CNKSR3: variants seen among roughly 807,000 people sequenced by gnomAD.
CNKSR3 encodes the protein connector enhancer of kinase suppressor of ras 3.
Under a neutral mutation model 67.7 loss-of-function variants are expected in CNKSR3, and 36 were observed. The observed-to-expected ratio is 0.53, with a 90% CI of 0.41 to 0.70. CNKSR3 has a LOEUF of 0.70. Ranked by LOEUF, CNKSR3 falls within the 30% of genes least tolerant of loss-of-function variation. CNKSR3 has a pLI of 0.00. For missense variants in CNKSR3, 630 were observed against 695.2 expected (o/e 0.91, Z 1.05); for synonymous variants, 281 against 271.4 (o/e 1.04, Z -0.35).
At chr6:154,454,102 C>CAGAGAGAGAGAGAGAGAG (rs1357528671) in intron 1 of CNKSR3, among the ~76,000 whole-genome samples, 2 of 115,224 alleles carry the variant, frequency 1.7e-5, no homozygotes. Context: ...CACACACACA[C>CAGAGAGAGAGAGAGAGAG]ACAGAGAGAG....
intron 2 of CNKSR3, among the ~76,000 whole-genome samples, chr6:154,443,337 G>A (rs969264009): frequency 6.6e-6 from 1 of 152,066 alleles, no homozygotes; most frequent in Non-Finnish European, 1.5e-5. Context: ...GTGGGGTGGG[G>A]GTCCCTGTGT....
chr6:154,419,095 G>A (rs752349947), intron 9 of CNKSR3, among the ~76,000 whole-genome samples: 6 of 148,034 alleles, frequency 4.1e-5, no homozygotes, highest in South Asian at 2.1e-4. Flanking sequence ...GGGTGGATGC[G>A]GTGGTACAAT....
chr6:154,476,011 A>G (rs1440388642), intron 1 of CNKSR3, among the ~76,000 whole-genome samples: 2 of 152,216 alleles, frequency 1.3e-5, no homozygotes, highest in Admixed American at 1.3e-4. Flanking sequence ...TGATGCCAGC[A>G]GAAGTAATAA....
chr6:154,509,109 A>C (rs1158161159), intron 1 of CNKSR3, among the ~76,000 whole-genome samples: 1 of 152,088 alleles, frequency 6.6e-6, no homozygotes, highest in Admixed American at 6.5e-5. Context: ...AACAAATAGT[A>C]ACTTGAAACA....
At chr6:154,421,379 A>G (rs914979076) in intron 9 of CNKSR3, among the ~76,000 whole-genome samples, 2 of 152,220 alleles carry the variant, frequency 1.3e-5, no homozygotes, top group Non-Finnish European at 2.9e-5. Flanking sequence ...CTTGTCTCAC[A>G]AAGTTTCAAA....
In CNKSR3 at chr6:154,481,383, T is replaced by C. The variant is rs549275512; in HGVS notation, c.52+28680A>G. 7.3e-5 allele frequency among the ~76,000 whole-genome samples: 11 copies of C among 151,066 alleles called. No individual in the cohort carries two copies. In the East Asian group the frequency reaches 2.0e-3, roughly 27 times the overall value. On this transcript the variant is annotated intron_variant, in intron 1 of 12. Coordinates refer to ENST00000607772, the MANE Select transcript of CNKSR3 (RefSeq NM_173515.4). Reference sequence around the variant, plus strand: ...TTGATATTTATTTATTTTGCTTATGTATTTGCTTATTTATTTGTGCTTGTT... The same window carrying C: ...TTGATATTTATTTATTTTGCTTATGCATTTGCTTATTTATTTGTGCTTGTT...
At chr6:154,407,493 T>C (rs1175383786) in intron 12 of CNKSR3, among the ~76,000 whole-genome samples, 2 of 152,114 alleles carry the variant, frequency 1.3e-5, no homozygotes, top group Non-Finnish European at 2.9e-5. Flanking sequence ...TACTGAAACA[T>C]TTATTTTTAT....
intron 1 of CNKSR3, among the ~76,000 whole-genome samples, chr6:154,480,139 G>A (rs753839773): frequency 3.9e-5 from 6 of 152,200 alleles, no homozygotes; most frequent in Non-Finnish European, 5.9e-5. Flanking sequence ...TGCTGGGGCC[G>A]TCTCATTTCA....
intron 1 of CNKSR3, among the ~76,000 whole-genome samples, chr6:154,501,978 T>C (rs1787006988): frequency 6.6e-6 from 1 of 152,170 alleles, no homozygotes; most frequent in Non-Finnish European, 1.5e-5. Flanking sequence ...AAATTATTAA[T>C]AAGCACATGA....
intron 1 of CNKSR3, among the ~76,000 whole-genome samples, chr6:154,464,905 G>A (rs1786161553): frequency 6.6e-6 from 1 of 151,710 alleles, no homozygotes; most frequent in Non-Finnish European, 1.5e-5. Context: ...ACTTTGGGAA[G>A]CCAAGGTGGG....
intron 1 of CNKSR3, among the ~76,000 whole-genome samples, chr6:154,459,562 T>G (rs1055512807): frequency 6.6e-6 from 1 of 152,216 alleles, no homozygotes; most frequent in African/African-American, 2.4e-5. Context: ...ACAGCTTCAA[T>G]TTCTTACAAA....
chr6:154,452,596 G>A (rs1456486221), intron 1 of CNKSR3, among the ~76,000 whole-genome samples: 1 of 152,256 alleles, frequency 6.6e-6, no homozygotes, highest in East Asian at 1.9e-4. Context: ...CATCATACAA[G>A]TTTAGGACAA....
intron 1 of CNKSR3, among the ~76,000 whole-genome samples, chr6:154,501,018 AAGAC>A (rs1224762413): frequency 6.6e-6 from 1 of 152,230 alleles, no homozygotes. Flanking sequence ...ACAAGGCAGA[AAGAC>A]AGAGGGCGCT....
At chr6:154,434,996 C>CTTTT (rs367990649) in intron 4 of CNKSR3, among the ~76,000 whole-genome samples, 3 of 136,696 alleles carry the variant, frequency 2.2e-5, no homozygotes, top group Non-Finnish European at 3.1e-5. Context: ...CTACAAATTC[C>CTTTT]TTTTTTTTTT....
intron 7 of CNKSR3, among the ~76,000 whole-genome samples, chr6:154,423,668 C>T (rs1034554857): frequency 2.6e-5 from 4 of 152,180 alleles, no homozygotes; most frequent in African/African-American, 9.7e-5. Flanking sequence ...AACTGTTCAA[C>T]GTGGAAAATC....
rs1584039133 is a variant in CNKSR3, at chr6:154,395,318, A to C, written c.*11036T>G. On this transcript the variant is annotated 3_prime_UTR_variant, in exon 13 of 13. Coordinates refer to ENST00000607772, the MANE Select transcript of CNKSR3 (RefSeq NM_173515.4). Reference sequence around the variant, plus strand: ...ACTCCAAAGAATTGGGAAAATGATCATACAGAGCCCTGGTAACAGTCATCA... The same window carrying C: ...ACTCCAAAGAATTGGGAAAATGATCCTACAGAGCCCTGGTAACAGTCATCA... 2 of 152,366 alleles carry C rather than the reference A, an allele frequency of 1.3e-5. No homozygotes were observed. Among genetic ancestry groups the C allele is most frequent in the Admixed American group, 1.3e-4 (2 of 15,308 alleles). The allele number at this position is 152,366 out of a possible 1,614,324, so 9.4% of individuals were successfully genotyped here. A position where few individuals can be genotyped will look rare whatever the true frequency, so the allele number is the denominator to read the frequency against.
chr6:154,451,536 CACGCACAG>C lies in CNKSR3; in HGVS notation c.53-1286_53-1279del, dbSNP rs1346205126. 7.6e-4 allele frequency among the ~76,000 whole-genome samples: 55 copies of C among 72,018 alleles called. No individual in the cohort carries two copies. In the East Asian group the frequency reaches 8.6e-3, roughly 11 times the overall value. The allele number at this position is 72,018 out of a possible 152,430, so 47.2% of individuals were successfully genotyped here. A position where few individuals can be genotyped will look rare whatever the true frequency, so the allele number is the denominator to read the frequency against. ...ACGCGCACACTCGTGCACACACGCA[CACGCACAG>C]ATGCACACACACATTTATTTCATTT... On this transcript the variant is annotated intron_variant, in intron 1 of 12. Transcript: ENST00000607772.
chr6:154,505,950 C>T (rs1787094147), intron 1 of CNKSR3, among the ~76,000 whole-genome samples: 1 of 152,178 alleles, frequency 6.6e-6, no homozygotes, highest in Non-Finnish European at 1.5e-5. Flanking sequence ...GTGGTAGCTG[C>T]ATTTGACAAT....
chr6:154,462,125 A>G (rs1786092821), intron 1 of CNKSR3, among the ~76,000 whole-genome samples: 1 of 152,210 alleles, frequency 6.6e-6, no homozygotes, highest in African/African-American at 2.4e-5. Context: ...AAAGTAAACA[A>G]TTCAGCAGGT....
Sources: allele counts gnomAD v4.1 joint callset (sites outside exome capture counted in the v4.1 genomes callset), GRCh38; gene constraint gnomAD v4.1.1; transcripts MANE v1.5; gene names NCBI Gene and HGNC (gene_info 2026-07-23, HGNC 2026-07-21).